Variants in RARA observed in about 807,000 individuals in gnomAD.
RARA encodes the protein PML-DDX5-RARA fusion.
Under a neutral mutation model 42.8 loss-of-function variants are expected in RARA, and 5 were observed. That is an observed-to-expected ratio of 0.12 (90% CI 0.06 to 0.25). The LOEUF (loss-of-function observed/expected upper bound fraction) is 0.25, where lower values mean the gene tolerates loss of function less well. Ranked by LOEUF, RARA falls within the 10% of genes least tolerant of loss-of-function variation. The pLI, the probability that RARA is intolerant of heterozygous loss-of-function variation, is 1.00. For synonymous variants in RARA, 256 were observed against 259.5 expected, an observed-to-expected ratio of 0.99 and a Z score of 0.13; for missense variants, 402 against 628.7, an observed-to-expected ratio of 0.64 and a Z score of 3.86.
chr17:40,342,658 G>T (rs2143395941), intron 2 of RARA: 1 of 1,564,116 alleles, frequency 6.4e-7, no homozygotes. Flanking sequence ...TGACGGGGGC[G>T]GCGCGCAGGA....
chr17:40,322,229 C>T (rs930978569), intron 1 of RARA, among the ~76,000 whole-genome samples: 2 of 151,648 alleles, frequency 1.3e-5, no homozygotes, highest in African/African-American at 2.4e-5. Flanking sequence ...TGGGCGGGCA[C>T]CTTGGAGCAG....
At chr17:40,342,473 C>A in intron 2 of RARA, 2 of 1,236,538 alleles carry the variant, frequency 1.6e-6, no homozygotes, top group Non-Finnish European at 1.0e-6. Flanking sequence ...GCCGACGGAC[C>A]CCCCCTCCCA....
chr17:40,309,820 G>A (rs1212201843), intron 1 of RARA, among the ~76,000 whole-genome samples: 1 of 152,214 alleles, frequency 6.6e-6, no homozygotes, highest in African/African-American at 2.4e-5. Context: ...TTTGCTAGAG[G>A]GTAGTGGAGG....
In RARA at chr17:40,356,392, A is replaced by G. The variant is rs1415985752; in HGVS notation, c.*166A>G. 6.1e-6 allele frequency: 5 copies of G among 821,928 alleles called. No homozygotes were observed. The highest frequency in any genetic ancestry group is 2.2e-4 in the Middle Eastern group (1 of 4,610). 50.9% of individuals were successfully genotyped at this position (821,928 alleles called of 1,614,324 possible). On this transcript the variant is annotated 3_prime_UTR_variant, in exon 9 of 9. Coordinates refer to ENST00000254066, the MANE Select transcript of RARA (RefSeq NM_000964.4). The stretch of plus-strand genomic sequence containing the variant: ...GGGAGGAGGCAGCGACTCCTTGGAC[A>G]GAGGCCTGGGCCCTCAGTGGACTGC...
At chr17:40,344,050 C>T (rs2034168319) in intron 2 of RARA, among the ~76,000 whole-genome samples, 1 of 151,676 alleles carries the variant, frequency 6.6e-6, no homozygotes, top group African/African-American at 2.4e-5. Context: ...TCCCACCTTC[C>T]TGGACCTGCT....
At position 40,356,319 on chromosome 17, in the gene RARA, C is replaced by T. The variant is rs758015735; in HGVS notation, c.*93C>T. ...TGTGACCCCGCACCAGCCCTGCCCC[C>T]ACCTGCCCTCCCGGGCAGTACTGGG... On this transcript the variant is annotated 3_prime_UTR_variant, in exon 9 of 9. Transcript: ENST00000254066. 7.4e-7 allele frequency: 1 copy of T among 1,351,178 alleles called. No individual in the cohort carries two copies. The highest frequency in any genetic ancestry group is 1.2e-5 in the South Asian group (1 of 80,374). 83.7% of individuals were successfully genotyped at this position (1,351,178 alleles called of 1,614,324 possible). A position where few individuals can be genotyped will look rare whatever the true frequency, so the allele number is the denominator to read the frequency against.
At position 40,352,625 on chromosome 17, in the gene RARA, C is replaced by T. The variant is rs143873225; in HGVS notation, c.807+118C>T. 25 of 982,222 alleles carry T rather than the reference C, an allele frequency of 2.5e-5. No individual in the cohort carries two copies. The highest frequency in any genetic ancestry group is 1.5e-4 in the African/African-American group (9 of 60,302). 60.8% of individuals were successfully genotyped at this position (982,222 alleles called of 1,614,324 possible). On this transcript the variant is annotated intron_variant, in intron 6 of 8. Transcript: ENST00000254066. This position sits in a 1 kb window ranked among gnomAD's most constrained non-coding sequence, Gnocchi z 4.9. Reference sequence around the variant, plus strand: ...GCAATCAACCTGTCCAAATGCCCACCGCCCAAATGTCTGCCCTTCCTCTCC... The same window carrying T: ...GCAATCAACCTGTCCAAATGCCCACTGCCCAAATGTCTGCCCTTCCTCTCC...
At chr17:40,318,752 C>T (rs1474019052) in intron 1 of RARA, among the ~76,000 whole-genome samples, 1 of 152,392 alleles carries the variant, frequency 6.6e-6, no homozygotes, top group East Asian at 1.9e-4. Flanking sequence ...TTCTTTTTCT[C>T]TTTAATGATA....
intron 2 of RARA, among the ~76,000 whole-genome samples, chr17:40,343,598 C>T (rs750184337): frequency 1.1e-4 from 17 of 152,192 alleles, no homozygotes; most frequent in Admixed American, 3.9e-4. Context: ...TCCCCCTAAT[C>T]CTAATCCGGT....
chr17:40,321,809 A>C (rs2033392449), intron 1 of RARA, among the ~76,000 whole-genome samples: 5 of 152,154 alleles, frequency 3.3e-5, no homozygotes, highest in Admixed American at 3.3e-4. Flanking sequence ...TAATTTCTGC[A>C]GCTAGGCAAC....
intron 2 of RARA, among the ~76,000 whole-genome samples, chr17:40,339,194 G>A (rs905378852): frequency 2.0e-5 from 3 of 152,164 alleles, no homozygotes; most frequent in Admixed American, 6.5e-5. Flanking sequence ...CTTGGGGGAT[G>A]GTGCCACTCT....
intron 2 of RARA, chr17:40,342,013 C>G: frequency 9.2e-7 from 1 of 1,089,346 alleles, no homozygotes; most frequent in South Asian, 4.4e-5. Flanking sequence ...CATGCCGCCT[C>G]TCCCTCTCGG....
chr17:40,355,475 C>G lies in RARA; in HGVS notation c.1171+54C>G. The G allele has an allele frequency of 6.4e-7, 1 of 1,557,136 alleles. No individual in the cohort carries two copies. Among genetic ancestry groups the G allele is most frequent in the Non-Finnish European group, 8.7e-7 (1 of 1,147,716 alleles). ...GGCCCCCGACACCTGGCCCAGGCCCCCACATCCAAGCCAGCACCCCATGTC... is the reference window on the plus strand; with the variant it reads ...GGCCCCCGACACCTGGCCCAGGCCCGCACATCCAAGCCAGCACCCCATGTC... On this transcript the variant is annotated intron_variant, in intron 8 of 8. Transcript: ENST00000254066. The surrounding 1 kb of genome is among the most constrained non-coding windows in gnomAD (Gnocchi z 4.1).
chr17:40,323,264 GTC>G (rs1196474892), intron 1 of RARA: 1 of 152,462 alleles, frequency 6.6e-6, no homozygotes, highest in African/African-American at 2.4e-5. Context: ...GACTTTGTGA[GTC>G]TGACTGATTT....
intron 2 of RARA, 35 bp from the exon 3 acceptor site, chr17:40,348,281 G>A: frequency 6.6e-7 from 1 of 1,519,086 alleles, no homozygotes; most frequent in Non-Finnish European, 8.8e-7. Context: ...TGGCGACCTA[G>A]GTCTCTAACT....
At chr17:40,315,976 G>C (rs2033205818) in intron 1 of RARA, among the ~76,000 whole-genome samples, 1 of 152,174 alleles carries the variant, frequency 6.6e-6, no homozygotes, top group African/African-American at 2.4e-5. Flanking sequence ...TCCTGCATCA[G>C]AGTCCCTGGT....
Position 40,355,481 on chromosome 17 carries a change from C to G in RARA, c.1171+60C>G. 1.3e-6 allele frequency: 2 copies of G among 1,545,114 alleles called. No individual in the cohort carries two copies. The highest frequency in any genetic ancestry group is 2.4e-5 in the South Asian group (2 of 81,748). Reference sequence around the variant, plus strand: ...CGACACCTGGCCCAGGCCCCCACATCCAAGCCAGCACCCCATGTCTTTGTG... The same window carrying G: ...CGACACCTGGCCCAGGCCCCCACATGCAAGCCAGCACCCCATGTCTTTGTG... On this transcript the variant is annotated intron_variant, in intron 8 of 8. Transcript: ENST00000254066. This position sits in a 1 kb window ranked among gnomAD's most constrained non-coding sequence, Gnocchi z 4.1.
chr17:40,324,636 T>A (rs1404926612), intron 1 of RARA, among the ~76,000 whole-genome samples: 1 of 152,162 alleles, frequency 6.6e-6, no homozygotes, highest in Non-Finnish European at 1.5e-5. Context: ...TGCAGCTCTG[T>A]GTAGCTGGGG....
intron 2 of RARA, among the ~76,000 whole-genome samples, chr17:40,338,257 T>G (rs2033916837): frequency 6.6e-6 from 1 of 152,210 alleles, no homozygotes; most frequent in Non-Finnish European, 1.5e-5. Context: ...GAAGAGGAAG[T>G]GGTTTCCATC....
Sources: allele counts gnomAD v4.1 joint callset (sites outside exome capture counted in the v4.1 genomes callset), GRCh38; gene constraint gnomAD v4.1.1; non-coding constraint Gnocchi (gnomAD v3.1); transcripts MANE v1.5; gene names NCBI Gene and HGNC (gene_info 2026-07-23, HGNC 2026-07-21).